ABLIM1: variants seen among roughly 807,000 people sequenced by gnomAD.
ABLIM1 encodes actin binding LIM protein 1, also known as actin-binding LIM protein 1.
In ABLIM1, 40 loss-of-function variants were observed where a neutral mutation model predicts 107.0. That is an observed-to-expected ratio of 0.37 (90% confidence interval 0.29 to 0.49). The LOEUF (loss-of-function observed/expected upper bound fraction) is 0.49. Among genes scored for constraint, ABLIM1 ranks in the 20% least tolerant of loss-of-function variants. The probability of loss-of-function intolerance (pLI) is 0.97; values close to 1 mark genes in which losing one functional copy is unlikely to be tolerated. For missense variants in ABLIM1, 857 were observed against 1,008.5 expected, an observed-to-expected ratio of 0.85 and a Z score of 2.04; for synonymous variants, 357 against 357.3, an observed-to-expected ratio of 1.00 and a Z score of 0.01.
At chr10:114,521,188 T>C (rs774795586) in intron 6 of ABLIM1, among the ~76,000 whole-genome samples, 20 of 152,214 alleles carry the variant, frequency 1.3e-4, no homozygotes, top group African/African-American at 4.8e-4. Flanking sequence ...GGTCAGGCAC[T>C]GGACACCTGA....
At position 114,629,712 on chromosome 10, in the gene ABLIM1, C is replaced by G. The variant is rs1386947282; in HGVS notation, c.245-27751G>C. ...ACCTTCAGCAACCTACTTACCCTTT[C>G]TGATCCCCAGTTTTCTCATCTCTAG... On this transcript the variant is annotated intron_variant, in intron 1 of 22. Transcript: ENST00000533213. This position sits in a 1 kb window ranked among gnomAD's most constrained non-coding sequence, Gnocchi z 4.0. Among the ~76,000 whole-genome samples, 1 of 152,184 alleles carries G rather than the reference C, an allele frequency of 6.6e-6. No homozygotes were observed.
chr10:114,451,543 G>A (rs2061900995), intron 14 of ABLIM1, 81 bp downstream of exon 14: 1 of 1,335,192 alleles, frequency 7.5e-7, no homozygotes, highest in South Asian at 1.2e-5. Flanking sequence ...GCAGCAGCAG[G>A]AAAAGCCTTT....
chr10:114,659,425 G>A (rs188191381), upstream of ABLIM1, among the ~76,000 whole-genome samples: 1 of 152,236 alleles, frequency 6.6e-6, no homozygotes, highest in African/African-American at 2.4e-5. Context: ...GCTGAGGCAG[G>A]AGGATTGGTT....
chr10:114,729,950 T>C (rs2082038765), intron 1 of ABLIM1, among the ~76,000 whole-genome samples: 1 of 152,210 alleles, frequency 6.6e-6, no homozygotes, highest in Non-Finnish European at 1.5e-5. Flanking sequence ...CCTAATTCAG[T>C]GGCTTTCTAT....
Position 114,435,182 on chromosome 10 carries a change from T to G in ABLIM1, c.*1078A>C, listed in dbSNP as rs1435436687. On this transcript the variant is annotated 3_prime_UTR_variant, in exon 23 of 23. Transcript: ENST00000533213. ...ACGTTCGAAGGAGTCTACTTTGGAG[T>G]TGCAGAGATTTAAAAGAGAAAAACA... The G allele has an allele frequency of 6.6e-6, 1 of 151,852 alleles. No individual in the cohort carries two copies. Among genetic ancestry groups the G allele is most frequent in the African/African-American group, 2.4e-5 (1 of 41,288 alleles). The allele number at this position is 151,852 out of a possible 1,614,324, so 9.4% of individuals were successfully genotyped here.
At chr10:114,490,047 T>C (rs1331175050) in intron 7 of ABLIM1, among the ~76,000 whole-genome samples, 1 of 152,224 alleles carries the variant, frequency 6.6e-6, no homozygotes, top group African/African-American at 2.4e-5. Context: ...TGATTGGCAC[T>C]CCTGTGTCTT....
chr10:114,787,707 G>T, the ABLIM1 span, among the ~76,000 whole-genome samples: 2 of 107,500 alleles, frequency 1.9e-5, no homozygotes, highest in Non-Finnish European at 4.3e-5. Context: ...GAGGGAGGTG[G>T]GGGGGTCAGC....
intron 22 of ABLIM1, among the ~76,000 whole-genome samples, 167 bp from the exon 23 acceptor site, chr10:114,436,540 T>C (rs2059420663): frequency 6.6e-6 from 1 of 152,128 alleles, no homozygotes; most frequent in Admixed American, 6.5e-5. Flanking sequence ...CTTACCTGGT[T>C]GGGCCAGGTG....
At chr10:114,551,106 C>T (rs2068005908) in intron 4 of ABLIM1, among the ~76,000 whole-genome samples, 1 of 152,180 alleles carries the variant, frequency 6.6e-6, no homozygotes, top group Non-Finnish European at 1.5e-5. Context: ...CTCTCCGAAC[C>T]CTCATTTCTT....
intron 2 of ABLIM1, among the ~76,000 whole-genome samples, 188 bp from the exon 3 acceptor site, chr10:114,575,787 A>G (rs2072446591): frequency 6.6e-6 from 1 of 152,208 alleles, no homozygotes; most frequent in African/African-American, 2.4e-5. Flanking sequence ...AATATCTCAT[A>G]CAAGTAAAAT....
intron 5 of ABLIM1, among the ~76,000 whole-genome samples, chr10:114,546,698 A>C (rs2067392217): frequency 6.6e-6 from 1 of 152,066 alleles, no homozygotes; most frequent in Non-Finnish European, 1.5e-5. Flanking sequence ...TGTTTGTTTC[A>C]CTATATTTTT....
chr10:114,632,410 A>G (rs2078249373), intron 1 of ABLIM1: 2 of 985,306 alleles, frequency 2.0e-6, no homozygotes, highest in Non-Finnish European at 2.4e-6. Context: ...TGGTTAGCTT[A>G]TTGGCTCCCT....
At chr10:114,463,008 T>C in intron 12 of ABLIM1, 2 of 1,308,920 alleles carry the variant, frequency 1.5e-6, no homozygotes, top group Non-Finnish European at 2.0e-6. Flanking sequence ...AAATCTCCAC[T>C]ATGCAGGGTG....
intron 6 of ABLIM1, among the ~76,000 whole-genome samples, chr10:114,517,465 CCGA>C (rs1334814756): frequency 6.6e-6 from 1 of 152,118 alleles, no homozygotes; most frequent in Non-Finnish European, 1.5e-5. Flanking sequence ...CCACTCCACA[CCGA>C]CAACACTTTG....
chr10:114,556,199 T>C (rs1364469892), intron 4 of ABLIM1, among the ~76,000 whole-genome samples: 1 of 152,142 alleles, frequency 6.6e-6, no homozygotes, highest in Non-Finnish European at 1.5e-5. Flanking sequence ...TGTAATAAAA[T>C]GGTGGAGGTG....
intron 6 of ABLIM1, among the ~76,000 whole-genome samples, chr10:114,524,978 C>T (rs1211252711): frequency 6.6e-6 from 1 of 152,256 alleles, no homozygotes; most frequent in Non-Finnish European, 1.5e-5. Context: ...TCTCATAGAC[C>T]CTTCCCCCTC....
intron 1 of ABLIM1, among the ~76,000 whole-genome samples, chr10:114,718,536 T>C (rs116015907): frequency 0.013 from 1,964 of 152,312 alleles, 34 homozygotes; most frequent in African/African-American, 0.043. Flanking sequence ...GGGTGATTAA[T>C]TACCTCTGTA....
At chr10:114,535,790 G>A (rs186449722) in intron 6 of ABLIM1, among the ~76,000 whole-genome samples, 12 of 152,246 alleles carry the variant, frequency 7.9e-5, no homozygotes, top group South Asian at 2.1e-4. Flanking sequence ...CTTGAACAGC[G>A]TGGGTTTGAA....
chr10:114,751,969 A>C (rs1326965475), intron 1 of ABLIM1, among the ~76,000 whole-genome samples: 1 of 152,172 alleles, frequency 6.6e-6, no homozygotes, highest in African/African-American at 2.4e-5. Flanking sequence ...AATGTAGCCC[A>C]AAACCTTCGA....
Sources: gnomAD v4.1 joint callset for allele counts (sites outside exome capture counted in the v4.1 genomes callset) on GRCh38, gnomAD v4.1.1 for gene constraint, Gnocchi (gnomAD v3.1) non-coding constraint, MANE v1.5 for transcripts, NCBI Gene and HGNC (gene_info 2026-07-23, HGNC 2026-07-21) for gene names.